SPOCK3: variants seen among roughly 807,000 people sequenced by gnomAD.
The protein encoded by SPOCK3 is testican-3.
SPOCK3 carries 30 observed loss-of-function variants against 56.6 expected under a neutral mutation model. That is an observed-to-expected ratio of 0.53 (90% confidence interval 0.40 to 0.72). The LOEUF is 0.72. Among genes scored for constraint, SPOCK3 ranks in the 30% least tolerant of loss-of-function variants. The pLI, the probability that SPOCK3 is intolerant of heterozygous loss-of-function variation, is 0.00. For missense variants in SPOCK3, 527 were observed against 530.0 expected, an observed-to-expected ratio of 0.99 and a Z score of 0.06; for synonymous variants, 196 against 183.3, an observed-to-expected ratio of 1.07 and a Z score of -0.56.
intron 2 of SPOCK3, among the ~76,000 whole-genome samples, chr4:167,151,651 G>A (rs1301010569): frequency 1.3e-5 from 2 of 151,936 alleles, no homozygotes; most frequent in African/African-American, 2.4e-5. Flanking sequence ...TAGCCAGGAT[G>A]GTCTCGATCT....
At chr4:166,788,345 A>C (rs1338152615) in intron 7 of SPOCK3, among the ~76,000 whole-genome samples, 2 of 152,200 alleles carry the variant, frequency 1.3e-5, no homozygotes, top group East Asian at 1.9e-4. Flanking sequence ...AAAATGTTAG[A>C]GGTATGTTAG....
At chr4:167,039,532 T>C (rs1398843675) in intron 3 of SPOCK3, among the ~76,000 whole-genome samples, 1 of 152,160 alleles carries the variant, frequency 6.6e-6, no homozygotes, top group Non-Finnish European at 1.5e-5. Context: ...TGTCTATACA[T>C]ATGTATTTTT....
intron 3 of SPOCK3, among the ~76,000 whole-genome samples, chr4:167,011,956 G>A (rs1230434320): frequency 2.0e-5 from 3 of 151,714 alleles, no homozygotes; most frequent in Non-Finnish European, 4.4e-5. Flanking sequence ...TTTTGTGTGT[G>A]ATTCAAATAA....
intron 2 of SPOCK3, among the ~76,000 whole-genome samples, chr4:167,199,842 C>A (rs955298611): frequency 4.1e-4 from 61 of 150,456 alleles, no homozygotes; most frequent in African/African-American, 1.5e-3. Flanking sequence ...ATTCTAAACT[C>A]TGAGCATCTT....
At chr4:166,823,233 T>G (rs1296066244) in intron 6 of SPOCK3, among the ~76,000 whole-genome samples, 1 of 152,062 alleles carries the variant, frequency 6.6e-6, no homozygotes, top group Non-Finnish European at 1.5e-5. Context: ...ACTTTCAAGC[T>G]GAGACAACTG....
chr4:167,059,562 A>G (rs1455116515), intron 3 of SPOCK3, among the ~76,000 whole-genome samples: 3 of 152,034 alleles, frequency 2.0e-5, no homozygotes, highest in African/African-American at 7.2e-5. Flanking sequence ...TGGGACTGTA[A>G]ACTAGTTCAA....
At chr4:167,081,549 C>A (rs1025372806) in intron 2 of SPOCK3, among the ~76,000 whole-genome samples, 3 of 151,828 alleles carry the variant, frequency 2.0e-5, no homozygotes, top group Admixed American at 6.6e-5. Flanking sequence ...CTGCCACAAC[C>A]CCACCAAAAA....
intron 4 of SPOCK3, among the ~76,000 whole-genome samples, chr4:166,956,739 C>T (rs1304445462): frequency 2.0e-5 from 3 of 152,078 alleles, no homozygotes; most frequent in African/African-American, 7.2e-5. Flanking sequence ...CCCTCTCATA[C>T]CCAACGCCCT....
At chr4:166,840,936 G>A (rs905876994) in intron 6 of SPOCK3, among the ~76,000 whole-genome samples, 2 of 151,618 alleles carry the variant, frequency 1.3e-5, no homozygotes, top group African/African-American at 2.4e-5. Flanking sequence ...CCGCCACCAC[G>A]CCCGGCTAAT....
intron 3 of SPOCK3, among the ~76,000 whole-genome samples, chr4:167,023,654 A>G (rs957223427): frequency 6.6e-6 from 1 of 151,890 alleles, no homozygotes; most frequent in African/African-American, 2.4e-5. Context: ...TTCTGTACTT[A>G]AAGAGCACTG....
intron 2 of SPOCK3, among the ~76,000 whole-genome samples, chr4:167,189,217 A>T (rs948965911): frequency 9.6e-5 from 14 of 146,102 alleles, no homozygotes; most frequent in Non-Finnish European, 1.5e-4. Context: ...ACCCAACAAT[A>T]TATAATAAGA....
rs762377026 is a variant in SPOCK3 at position 167,062,528 on chromosome 4, A to G, written c.199T>C (p.Phe67Leu). Residue 67 changes from phenylalanine (F) to leucine (L), a missense_variant, in exon 3 of 11, where the codon TTC (phenylalanine) becomes CTC (leucine). By Grantham distance (22) the Phe-to-Leu change is conservative. Transcript: ENST00000357545. ...GGTTTTCCTGGACTCCAAGTGCGGA[A>G]ATAATCATCCTAAGGGGGAAAATAA... ...QWNKFRDDDY[F>L]RTWSPGKPFD... The G allele has an allele frequency of 6.2e-7, 1 of 1,606,886 alleles. No individual in the cohort carries two copies.
chr4:166,743,165 T>A (rs1735086634), intron 8 of SPOCK3, among the ~76,000 whole-genome samples: 1 of 152,068 alleles, frequency 6.6e-6, no homozygotes, highest in Non-Finnish European at 1.5e-5. Flanking sequence ...CATTTTATAT[T>A]CATATTCTAA....
intron 2 of SPOCK3, among the ~76,000 whole-genome samples, chr4:167,138,562 C>T (rs17053005): frequency 0.015 from 2,276 of 151,946 alleles, 64 homozygotes; most frequent in African/African-American, 0.051. Flanking sequence ...TCATTTCCCA[C>T]CTACTTTAAG....
chr4:166,751,762 A>G (rs553012075), intron 8 of SPOCK3, among the ~76,000 whole-genome samples: 1 of 152,270 alleles, frequency 6.6e-6, no homozygotes, highest in African/African-American at 2.4e-5. Flanking sequence ...TTTTAGAGTA[A>G]GTAAAAGTAG....
intron 4 of SPOCK3, among the ~76,000 whole-genome samples, chr4:166,945,781 C>G (rs1391160558): frequency 6.6e-6 from 1 of 152,198 alleles, no homozygotes; most frequent in African/African-American, 2.4e-5. Flanking sequence ...TTCTACTGTT[C>G]AGGCTCCAAA....
At chr4:167,186,860 C>T (rs1732017725) in intron 2 of SPOCK3, among the ~76,000 whole-genome samples, 1 of 151,022 alleles carries the variant, frequency 6.6e-6, no homozygotes, top group South Asian at 2.1e-4. Context: ...GCCTGCAGTC[C>T]TACCTGCTTG....
intron 2 of SPOCK3, among the ~76,000 whole-genome samples, chr4:167,192,609 T>C (rs1185093329): frequency 6.8e-6 from 1 of 146,058 alleles, no homozygotes; most frequent in Non-Finnish European, 1.5e-5. Flanking sequence ...TTGTGTCTCA[T>C]TTATTTCTGT....
intron 3 of SPOCK3, among the ~76,000 whole-genome samples, chr4:167,046,883 A>C (rs996048507): frequency 6.6e-6 from 1 of 152,188 alleles, no homozygotes; most frequent in African/African-American, 2.4e-5. Context: ...AGTAACAAAG[A>C]AGTTGTGGGG....
Sources: allele counts gnomAD v4.1 joint callset (sites outside exome capture counted in the v4.1 genomes callset), GRCh38; gene constraint gnomAD v4.1.1; transcripts MANE v1.5; gene names NCBI Gene and HGNC (gene_info 2026-07-23, HGNC 2026-07-21).